Variants in ECE1 observed in about 807,000 individuals in gnomAD.
ECE1 encodes the protein endothelin-converting enzyme 1.
Under a neutral mutation model 98.6 loss-of-function variants are expected in ECE1, and 35 were observed. The ratio of observed to expected loss-of-function variants is 0.35; its 90% CI spans 0.27 to 0.47. The LOEUF (loss-of-function observed/expected upper bound fraction) is 0.47. Among genes scored for constraint, ECE1 ranks in the 20% least tolerant of loss-of-function variants. ECE1 has a pLI of 1.00. For missense variants in ECE1, 814 were observed against 1,025.3 expected (o/e 0.79, Z 2.81); for synonymous variants, 394 against 407.1 (o/e 0.97, Z 0.39).
intron 1 of ECE1, among the ~76,000 whole-genome samples, chr1:21,295,688 A>G (rs1638336017): frequency 6.6e-6 from 1 of 152,038 alleles, no homozygotes; most frequent in Non-Finnish European, 1.5e-5. Context: ...CCTTGTCCAC[A>G]TTTTCCACTC....
At chr1:21,244,849 C>A (rs143421839) in intron 10 of ECE1, 140 bp downstream of exon 10, 637 of 782,558 alleles carry the variant, frequency 8.1e-4, no homozygotes, top group Non-Finnish European at 1.2e-3. Context: ...TCCTCTTTAC[C>A]CTTTACTTGG....
chr1:21,250,106 ACT>A (rs1489402724), intron 8 of ECE1, among the ~76,000 whole-genome samples: 1 of 151,812 alleles, frequency 6.6e-6, no homozygotes, highest in East Asian at 1.9e-4. Context: ...CAAATGTGAG[ACT>A]CTACCCATCA....
At chr1:21,240,736 G>A (rs1050417195) in intron 10 of ECE1, among the ~76,000 whole-genome samples, 5 of 152,162 alleles carry the variant, frequency 3.3e-5, no homozygotes, top group African/African-American at 1.2e-4. Flanking sequence ...CTGGACACAT[G>A]GTCTGTGTCT....
rs141947227 is a variant in ECE1 at position 21,260,045 on chromosome 1, A to T, written c.615+226T>A. Reference sequence around the variant, plus strand: ...ACATCTACAACAGATGCTGACACACACTCTCACACAAACACATGCACAGAC... The same window carrying T: ...ACATCTACAACAGATGCTGACACACTCTCTCACACAAACACATGCACAGAC... On this transcript the variant is annotated intron_variant, in intron 5 of 18. Coordinates refer to ENST00000374893, the MANE Select transcript of ECE1 (RefSeq NM_001397.3). This position sits in a 1 kb window ranked among gnomAD's most constrained non-coding sequence, Gnocchi z 4.3. Among the ~76,000 whole-genome samples, 1 of 152,304 alleles carries T rather than the reference A, an allele frequency of 6.6e-6. No individual in the cohort carries two copies. The highest frequency in any genetic ancestry group is 1.5e-5 in the Non-Finnish European group (1 of 68,020).
chr1:21,336,327 G>A (rs1436214959), intron 1 of ECE1, among the ~76,000 whole-genome samples: 1 of 152,176 alleles, frequency 6.6e-6, no homozygotes. Flanking sequence ...GCTGCAGTGA[G>A]CTGTGTTCAT....
intron 14 of ECE1, among the ~76,000 whole-genome samples, chr1:21,231,115 A>G (rs1448555304): frequency 1.3e-5 from 2 of 151,732 alleles, no homozygotes; most frequent in Non-Finnish European, 2.9e-5. Context: ...GACGTGAGCC[A>G]CCGCGCCCAG....
chr1:21,229,135 C>T (rs961608988), intron 14 of ECE1, among the ~76,000 whole-genome samples: 4 of 151,904 alleles, frequency 2.6e-5, no homozygotes, highest in Non-Finnish European at 5.9e-5. Flanking sequence ...GCCACTGCGC[C>T]GTCATAATGA....
chr1:21,308,317 CG>C (rs2103386920), intron 1 of ECE1, among the ~76,000 whole-genome samples: 1 of 152,270 alleles, frequency 6.6e-6, no homozygotes, highest in African/African-American at 2.4e-5. Context: ...GAGGGACAAC[CG>C]GAAGTCTTAC....
At chr1:21,329,391 G>A (rs213037) in intron 1 of ECE1, among the ~76,000 whole-genome samples, 33,956 of 152,138 alleles carry the variant, frequency 0.22, 6,276 homozygotes, top group African/African-American at 0.49. Flanking sequence ...AGAAAGGGGC[G>A]TGGCCTTCAT....
chr1:21,273,833 G>T (rs906386662), intron 3 of ECE1, among the ~76,000 whole-genome samples: 2 of 152,206 alleles, frequency 1.3e-5, no homozygotes, highest in Non-Finnish European at 2.9e-5. Context: ...CAATCCTGGG[G>T]GATAAGAGCG....
chr1:21,335,638 G>A (rs4654919), intron 1 of ECE1, among the ~76,000 whole-genome samples: 11,878 of 152,224 alleles, frequency 0.078, 723 homozygotes, highest in East Asian at 0.34. Context: ...GGACAGAGTC[G>A]CAGTGAGGCT....
intron 1 of ECE1, among the ~76,000 whole-genome samples, chr1:21,313,408 G>T (rs1301413884): frequency 6.6e-6 from 1 of 152,196 alleles, no homozygotes; most frequent in Non-Finnish European, 1.5e-5. Context: ...GGGAGAGGAG[G>T]GCTGATTCCA....
chr1:21,275,494 C>T (rs1360637892), intron 3 of ECE1, among the ~76,000 whole-genome samples: 1 of 152,136 alleles, frequency 6.6e-6, no homozygotes, highest in Non-Finnish European at 1.5e-5. Context: ...ACTTGGGAGG[C>T]TGAGGCAGGA....
chr1:21,289,952 G>GAGGGAGGGGA lies in ECE1; in HGVS notation c.138+108_138+117dup, dbSNP rs1414882786. On this transcript the variant is annotated intron_variant, in intron 2 of 18. Coordinates refer to ENST00000374893, the MANE Select transcript of ECE1 (RefSeq NM_001397.3). ...CGCGGCCCCTCCCGGATGCCGGGAC[G>GAGGGAGGGGA]AGGGAGGGGAAGGGAGGGGAAGAGG... The GAGGGAGGGGA allele has an allele frequency of 7.7e-5, 93 of 1,209,360 alleles. No individual in the cohort carries two copies. The East Asian group carries it at 1.6e-3, about 20-fold the overall frequency. 74.9% of individuals were successfully genotyped at this position (1,209,360 alleles called of 1,614,324 possible).
chr1:21,299,362 ATC>A, intron 1 of ECE1: 1 of 158,202 alleles, frequency 6.3e-6, no homozygotes. Context: ...ATGTACTGTT[ATC>A]TCTCTTCTAA....
At chr1:21,312,322 C>A (rs555556538) in intron 1 of ECE1, among the ~76,000 whole-genome samples, 3 of 151,548 alleles carry the variant, frequency 2.0e-5, no homozygotes, top group Non-Finnish European at 4.4e-5. Flanking sequence ...CCTGTAGTCC[C>A]AGCTACTCAG....
intron 4 of ECE1, among the ~76,000 whole-genome samples, chr1:21,267,888 G>C (rs1370034473): frequency 6.6e-6 from 1 of 152,212 alleles, no homozygotes; most frequent in Non-Finnish European, 1.5e-5. Flanking sequence ...ATGATTAATT[G>C]CCACATCACC....
intron 4 of ECE1, 99 bp downstream of exon 4, chr1:21,272,600 C>T (rs2103322579): frequency 6.8e-7 from 1 of 1,469,970 alleles, no homozygotes; most frequent in Middle Eastern, 2.0e-4. Flanking sequence ...CCCATTCTGC[C>T]AAGCTCCTCC....
chr1:21,219,921 C>T lies in ECE1; in HGVS notation c.*34G>A. 1 of 1,613,100 alleles carries T rather than the reference C, an allele frequency of 6.2e-7. No individual in the cohort carries two copies. Among genetic ancestry groups the T allele is most frequent in the Non-Finnish European group, 8.5e-7 (1 of 1,179,838 alleles). On this transcript the variant is annotated 3_prime_UTR_variant, in exon 19 of 19. Coordinates refer to ENST00000374893, the MANE Select transcript of ECE1 (RefSeq NM_001397.3). The surrounding 1 kb of genome is among the most constrained non-coding windows in gnomAD (Gnocchi z 4.5). The stretch of plus-strand genomic sequence containing the variant: ...ATGGGGGTCTCGTCCTCAGCCCCTT[C>T]CCCTCCTCCGTCTTGGCTCTCTCCG...
Sources: gnomAD v4.1 joint callset for allele counts (sites outside exome capture counted in the v4.1 genomes callset) on GRCh38, gnomAD v4.1.1 for gene constraint, Gnocchi (gnomAD v3.1) non-coding constraint, MANE v1.5 for transcripts, NCBI Gene and HGNC (gene_info 2026-07-23, HGNC 2026-07-21) for gene names.